Variants in METTL15 observed in about 807,000 individuals in gnomAD.
METTL15 encodes 12S rRNA N(4)-cytidine methyltransferase METTL15.
A neutral mutation model predicts 38.3 loss-of-function variants in METTL15; 34 were observed. The ratio of observed to expected loss-of-function variants is 0.89; its 90% CI spans 0.68 to 1.18. The LOEUF (loss-of-function observed/expected upper bound fraction) is 1.18. Ranked by LOEUF, METTL15 falls within the 50% of genes most tolerant of loss-of-function variation. METTL15 has a pLI of 0.00. For missense variants in METTL15, 438 were observed against 498.4 expected (o/e 0.88, Z 1.15); for synonymous variants, 162 against 170.9 (o/e 0.95, Z 0.41).
chr11:28,123,897 TA>T, intron 3 of METTL15: 2 of 1,466,606 alleles, frequency 1.4e-6, no homozygotes, highest in South Asian at 1.4e-5. Flanking sequence ...AATATATTCA[TA>T]AAGATGGAGA....
intron 5 of METTL15, among the ~76,000 whole-genome samples, chr11:28,295,600 C>CA (rs879559487): frequency 0.011 from 1,320 of 123,200 alleles, 25 homozygotes; most frequent in African/African-American, 0.035. Flanking sequence ...AACTTCGTCT[C>CA]AAAAAAAAAA....
chr11:28,294,006 G>A (rs1026588606), intron 5 of METTL15, among the ~76,000 whole-genome samples: 1 of 152,084 alleles, frequency 6.6e-6, no homozygotes, highest in Non-Finnish European at 1.5e-5. Context: ...CTGCAAACAG[G>A]GACAATTTGA....
At position 28,220,524 on chromosome 11, in the gene METTL15, G is replaced by C. The variant is rs1853152808; in HGVS notation, c.407+9326G>C. On this transcript the variant is annotated intron_variant, in intron 4 of 6. Coordinates refer to ENST00000407364, the MANE Select transcript of METTL15 (RefSeq NM_001113528.2). ...TCTTGACTCTTTATCCAATTTGCCAGTATGTGTCTTTTAATTGGAGCATTT... is the reference window on the plus strand; with the variant it reads ...TCTTGACTCTTTATCCAATTTGCCACTATGTGTCTTTTAATTGGAGCATTT... 2.0e-5 allele frequency among the ~76,000 whole-genome samples: 3 copies of C among 152,260 alleles called. No individual in the cohort carries two copies. The South Asian group carries it at 6.2e-4, about 32-fold the overall frequency.
At chr11:28,147,018 A>G in intron 3 of METTL15, among the ~76,000 whole-genome samples, 1 of 151,964 alleles carries the variant, frequency 6.6e-6, no homozygotes, top group African/African-American at 2.4e-5. Flanking sequence ...AATCAAGACC[A>G]GGAAGGTATT....
chr11:28,185,536 T>C (rs1851462765), intron 3 of METTL15, among the ~76,000 whole-genome samples: 1 of 151,468 alleles, frequency 6.6e-6, no homozygotes, highest in Admixed American at 6.6e-5. Context: ...TAGTAGCTGT[T>C]GCCATCAATT....
chr11:28,306,641 AT>A (rs1857092036), intron 6 of METTL15, among the ~76,000 whole-genome samples: 1 of 152,038 alleles, frequency 6.6e-6, no homozygotes, highest in Non-Finnish European at 1.5e-5. Flanking sequence ...CACATCAGCT[AT>A]TATATTTGTA....
intron 5 of METTL15, among the ~76,000 whole-genome samples, chr11:28,404,387 G>T (rs1389482008): frequency 6.6e-6 from 1 of 152,044 alleles, no homozygotes; most frequent in Non-Finnish European, 1.5e-5. Flanking sequence ...TAGAGGCTGG[G>T]AAATCCAAGA....
At chr11:28,390,816 G>C (rs925243620) in intron 5 of METTL15, among the ~76,000 whole-genome samples, 2 of 152,036 alleles carry the variant, frequency 1.3e-5, no homozygotes, top group African/African-American at 4.8e-5. Flanking sequence ...AAATTACCTT[G>C]GGCAGTATAG....
At chr11:28,303,763 T>C (rs1856989374) in intron 6 of METTL15, among the ~76,000 whole-genome samples, 1 of 152,150 alleles carries the variant, frequency 6.6e-6, no homozygotes, top group Admixed American at 6.6e-5. Context: ...TATAAGTTCT[T>C]AGGTGTTACT....
At chr11:28,287,454 A>C (rs930023024) in intron 4 of METTL15, 3 of 428,350 alleles carry the variant, frequency 7.0e-6, no homozygotes, top group African/African-American at 4.2e-5. Context: ...CAATTTTCCT[A>C]GCAATGTGAT....
chr11:28,402,737 A>C (rs1211532510), intron 5 of METTL15, among the ~76,000 whole-genome samples: 2 of 151,912 alleles, frequency 1.3e-5, no homozygotes, highest in East Asian at 3.9e-4. Flanking sequence ...TGTCACGTGA[A>C]TATATTGCTT....
intron 4 of METTL15, among the ~76,000 whole-genome samples, chr11:28,359,685 C>T (rs1315748915): frequency 6.6e-6 from 1 of 152,108 alleles, no homozygotes; most frequent in South Asian, 2.1e-4. Flanking sequence ...TGACAATGAG[C>T]TGTTTTTCAT....
intron 3 of METTL15, among the ~76,000 whole-genome samples, chr11:28,114,708 C>T (rs1038587813): frequency 2.6e-5 from 4 of 152,152 alleles, no homozygotes; most frequent in African/African-American, 7.2e-5. Context: ...GCCTTGGCCT[C>T]CGAAAGTGTT....
Position 28,495,899 on chromosome 11 carries a change from T to C in METTL15, c.*425-30579T>C, listed in dbSNP as rs565083185. On this transcript the variant is annotated intron_variant and NMD_transcript_variant, in intron 6 of 7. Transcript: ENST00000532947. The stretch of plus-strand genomic sequence containing the variant: ...ATCCATGTTGAGAAATGAACCCAAA[T>C]ACAGCAGCACTTTCTTTCCTTTGGA... Among the ~76,000 whole-genome samples, 14 of 152,232 alleles carry C rather than the reference T, an allele frequency of 9.2e-5. No homozygotes were observed. The South Asian group carries it at 2.3e-3, about 25-fold the overall frequency.
intron 4 of METTL15, among the ~76,000 whole-genome samples, chr11:28,354,671 A>C (rs1850074862): frequency 6.6e-6 from 1 of 152,192 alleles, no homozygotes; most frequent in African/African-American, 2.4e-5. Context: ...AGAAGCAAGA[A>C]AGGTCAGGGC....
intron 4 of METTL15, among the ~76,000 whole-genome samples, chr11:28,268,706 G>A (rs1168652393): frequency 6.6e-6 from 1 of 152,082 alleles, no homozygotes; most frequent in Non-Finnish European, 1.5e-5. Context: ...GAAAAATGAT[G>A]GATATTCTTA....
At chr11:28,207,367 CAT>C in intron 3 of METTL15, among the ~76,000 whole-genome samples, 1 of 152,202 alleles carries the variant, frequency 6.6e-6, no homozygotes, top group African/African-American at 2.4e-5. Context: ...TTGAGATAAT[CAT>C]GTGGTTTTTG....
rs1403638156 is a variant in METTL15, at chr11:28,459,203, T to C, written c.*424+34839T>C. ...AATTGCAGCTGAGTAATTAGTATAC[T>C]TTTATAAATTTCATGTATATTAGCT... is the stretch of plus-strand genomic sequence containing the variant. On this transcript the variant is annotated intron_variant and NMD_transcript_variant, in intron 6 of 7. Coordinates refer to the METTL15 transcript ENST00000532947. Among the ~76,000 whole-genome samples the C allele has an allele frequency of 2.6e-5, 4 of 152,302 alleles. No homozygotes were observed. In the East Asian group the frequency reaches 7.7e-4, roughly 29 times the overall value.
chr11:28,412,979 A>G (rs1243356912), intron 5 of METTL15, among the ~76,000 whole-genome samples: 1 of 152,068 alleles, frequency 6.6e-6, no homozygotes, highest in Admixed American at 6.6e-5. Context: ...TACTATCTAT[A>G]TATATCTATG....
Sources: allele counts gnomAD v4.1 joint callset (sites outside exome capture counted in the v4.1 genomes callset), GRCh38; gene constraint gnomAD v4.1.1; transcripts MANE v1.5; gene names NCBI Gene and HGNC (gene_info 2026-07-23, HGNC 2026-07-21).